The following INSR variants were observed in gnomAD, a reference collection of about 807,000 sequenced individuals.
INSR encodes the protein IR.
INSR carries 67 observed loss-of-function variants against 142.6 expected under a neutral mutation model. The observed-to-expected ratio is 0.47, with a 90% CI of 0.39 to 0.58. The LOEUF (loss-of-function observed/expected upper bound fraction) is 0.58, where lower values mean the gene tolerates loss of function less well. INSR is among the 20% of genes least tolerant of loss of function. The pLI, the probability that INSR is intolerant of heterozygous loss-of-function variation, is 0.00. For synonymous variants in INSR, 756 were observed against 743.1 expected (o/e 1.02, Z -0.28); for missense variants, 1,248 against 1,833.2 (o/e 0.68, Z 5.83).
chr19:7,272,002 C>G (rs1967937847), intron 1 of INSR, among the ~76,000 whole-genome samples: 1 of 148,440 alleles, frequency 6.7e-6, no homozygotes, highest in Admixed American at 6.7e-5. Context: ...AGAGCAATAT[C>G]TTGTCTCAAA....
chr19:7,253,046 C>T (rs865926484), intron 2 of INSR, among the ~76,000 whole-genome samples: 23 of 149,640 alleles, frequency 1.5e-4, no homozygotes, highest in Middle Eastern at 6.8e-3. Flanking sequence ...ACCCGGGAGG[C>T]GGAGGTTGCA....
At chr19:7,211,548 C>G (rs991109734) in intron 2 of INSR, among the ~76,000 whole-genome samples, 23 of 152,224 alleles carry the variant, frequency 1.5e-4, no homozygotes, top group African/African-American at 5.1e-4. Context: ...CAGGTAAGTT[C>G]CAGATTTTAT....
intron 2 of INSR, among the ~76,000 whole-genome samples, chr19:7,251,490 G>A (rs1976726553): frequency 6.6e-6 from 1 of 151,186 alleles, no homozygotes; most frequent in Non-Finnish European, 1.5e-5. Context: ...CCAACTCTTG[G>A]CTTCAAGTGA....
At chr19:7,153,358 C>CACAACACACAACAGACCACACATA (rs1973485522) in intron 9 of INSR, among the ~76,000 whole-genome samples, 1 of 94,334 alleles carries the variant, frequency 1.1e-5, no homozygotes, top group Non-Finnish European at 1.9e-5. Context: ...AGACCACACA[C>CACAACACACAACAGACCACACATA]CACACACCCC....
chr19:7,180,408 T>C (rs1435330355), intron 3 of INSR, among the ~76,000 whole-genome samples: 1 of 151,442 alleles, frequency 6.6e-6, no homozygotes, highest in Admixed American at 6.6e-5. Context: ...TGTGCCTATA[T>C]AGTCCCAGCT....
chr19:7,154,463 C>T lies in INSR; in HGVS notation c.2030-1536G>A, dbSNP rs139941642. Reference sequence around the variant, plus strand: ...GACTACAGGCGGCCGCTGCCACGCCCGGCTAATTTGTTGTATTTTTAGTAG... The same window carrying T: ...GACTACAGGCGGCCGCTGCCACGCCTGGCTAATTTGTTGTATTTTTAGTAG... On this transcript the variant is annotated intron_variant, in intron 9 of 21. Coordinates refer to ENST00000302850, the MANE Select transcript of INSR (RefSeq NM_000208.4). Among the ~76,000 whole-genome samples the T allele has an allele frequency of 8.3e-4, 124 of 149,636 alleles. 3 individuals are homozygous for T. In the East Asian group the frequency reaches 0.024, roughly 29 times the overall value.
At chr19:7,221,121 C>T (rs373702926) in intron 2 of INSR, among the ~76,000 whole-genome samples, 4 of 152,316 alleles carry the variant, frequency 2.6e-5, no homozygotes, top group African/African-American at 9.6e-5. Context: ...CGCCTGTAAT[C>T]CCAGCACTTT....
intron 1 of INSR, among the ~76,000 whole-genome samples, chr19:7,291,727 C>A (rs185471668): frequency 1.5e-4 from 23 of 152,288 alleles, no homozygotes; most frequent in Non-Finnish European, 2.9e-4. Context: ...CTACAAGGAA[C>A]AGAAGAACAG....
intron 2 of INSR, among the ~76,000 whole-genome samples, chr19:7,235,245 AGCTCGTCC>A (rs1976121614): frequency 6.6e-6 from 1 of 152,150 alleles, no homozygotes; most frequent in Non-Finnish European, 1.5e-5. Context: ...TTCAACCTGC[AGCTCGTCC>A]ACCCTTTGAG....
At chr19:7,140,773 C>CTTTTTT (rs34805383) in intron 13 of INSR, among the ~76,000 whole-genome samples, 3 of 139,482 alleles carry the variant, frequency 2.2e-5, no homozygotes, top group East Asian at 2.1e-4. Context: ...ATTAACGGCC[C>CTTTTTT]TTTTTTTTTT....
At chr19:7,197,254 A>G (rs1052777934) in intron 2 of INSR, among the ~76,000 whole-genome samples, 1 of 152,260 alleles carries the variant, frequency 6.6e-6, no homozygotes, top group East Asian at 1.9e-4. Context: ...TATAGAGGCT[A>G]GAAAGGGAAC....
Position 7,245,188 on chromosome 19 carries a change from G to T in INSR, c.652+22157C>A, listed in dbSNP as rs779547935. Reference sequence around the variant, plus strand: ...CCTGACCTCGTGATCCACCTGCCTCGGCCTCCCCAAGTGCTGGGATTACAG... The same window carrying T: ...CCTGACCTCGTGATCCACCTGCCTCTGCCTCCCCAAGTGCTGGGATTACAG... On this transcript the variant is annotated intron_variant, in intron 2 of 21. Transcript: ENST00000302850. Among the ~76,000 whole-genome samples, 62 of 151,976 alleles carry T rather than the reference G, an allele frequency of 4.1e-4. 1 individual carries two copies. Among genetic ancestry groups the T allele is most frequent in the Non-Finnish European group, 7.8e-4 (53 of 67,968 alleles).
At chr19:7,288,556 T>G (rs930233953) in intron 1 of INSR, among the ~76,000 whole-genome samples, 1 of 149,680 alleles carries the variant, frequency 6.7e-6, no homozygotes, top group African/African-American at 2.5e-5. Flanking sequence ...GGAGGACTGC[T>G]CCAGGCCATG....
At chr19:7,169,822 G>A (rs964797733) in intron 6 of INSR, among the ~76,000 whole-genome samples, 11 of 152,066 alleles carry the variant, frequency 7.2e-5, no homozygotes, top group South Asian at 2.1e-4. Flanking sequence ...ACTTCATCCC[G>A]TATCCGGTAC....
At chr19:7,118,786 G>A (rs1972402323) in intron 21 of INSR, among the ~76,000 whole-genome samples, 5 of 150,794 alleles carry the variant, frequency 3.3e-5, no homozygotes, top group African/African-American at 1.2e-4. Context: ...GCGGTGGTGG[G>A]TGCCTGTAGT....
intron 2 of INSR, among the ~76,000 whole-genome samples, chr19:7,235,280 T>C (rs4804428): frequency 0.23 from 35,175 of 151,864 alleles, 4,964 homozygotes; most frequent in African/African-American, 0.39. Flanking sequence ...GAGAAGATCA[T>C]TAGACCACTG....
rs372252730 is a variant in INSR, at chr19:7,183,519, G to A, written c.974+797C>T. Reference sequence around the variant, plus strand: ...ATACTGTCCTTCAGAGAACAGCAAAGCCCTGAGAATAATGCAGAAGCGAGT... The same window carrying A: ...ATACTGTCCTTCAGAGAACAGCAAAACCCTGAGAATAATGCAGAAGCGAGT... On this transcript the variant is annotated intron_variant, in intron 3 of 21. Coordinates refer to ENST00000302850, the MANE Select transcript of INSR (RefSeq NM_000208.4). Among the ~76,000 whole-genome samples the A allele has an allele frequency of 6.6e-5, 10 of 152,174 alleles. No homozygotes were observed. The South Asian group carries it at 2.1e-3, about 32-fold the overall frequency.
At position 7,116,965 on chromosome 19, in the gene INSR, A is replaced by T. The variant is rs1202552174; in HGVS notation, c.*91T>A. ...CTCTGAACTCCATTGGACATGGTAG[A>T]GTCGTGAGAATCCTGAGTTTTCCAG... On this transcript the variant is annotated 3_prime_UTR_variant, in exon 22 of 22. Transcript: ENST00000302850. 5.3e-6 allele frequency: 5 copies of T among 946,746 alleles called. No homozygotes were observed. The allele number at this position is 946,746 out of a possible 1,614,324, so 58.6% of individuals were successfully genotyped here. A position where few individuals can be genotyped will look rare whatever the true frequency, so the allele number is the denominator to read the frequency against.
At chr19:7,273,297 A>T (rs1967975603) in intron 1 of INSR, among the ~76,000 whole-genome samples, 1 of 152,178 alleles carries the variant, frequency 6.6e-6, no homozygotes, top group Non-Finnish European at 1.5e-5. Flanking sequence ...AAGACAATAG[A>T]GCAGTTTACC....
Sources: gnomAD v4.1 joint callset for allele counts (sites outside exome capture counted in the v4.1 genomes callset) on GRCh38, gnomAD v4.1.1 for gene constraint, MANE v1.5 for transcripts, NCBI Gene and HGNC (gene_info 2026-07-23, HGNC 2026-07-21) for gene names.